C16orf96: variants seen among roughly 807,000 people sequenced by gnomAD.
C16orf96 encodes the protein chromosome 16 open reading frame 96, also known as uncharacterized protein C16orf96.
C16orf96 carries 108 observed loss-of-function variants against 103.6 expected under a neutral mutation model. The observed-to-expected ratio is 1.04, with a 90% CI of 0.89 to 1.22. The LOEUF is 1.22. Ranked by LOEUF, C16orf96 falls within the 50% of genes most tolerant of loss-of-function variation. The pLI is 0.00. For synonymous variants in C16orf96, 566 were observed against 593.5 expected, an observed-to-expected ratio of 0.95 and a Z score of 0.67; for missense variants, 1,586 against 1,464.2, an observed-to-expected ratio of 1.08 and a Z score of -1.36.
intron 14 of C16orf96, 30 bp from the exon 15 acceptor site, chr16:4,599,254 C>G (rs1325155369): frequency 6.5e-7 from 1 of 1,546,036 alleles, no homozygotes; most frequent in African/African-American, 1.4e-5. Context: ...TGGATGCCAC[C>G]CACACCTGTC....
chr16:4,581,220 A>AGCTACCT (rs927483023), intron 7 of C16orf96, among the ~76,000 whole-genome samples: 1 of 143,354 alleles, frequency 7.0e-6, no homozygotes, highest in Non-Finnish European at 1.5e-5. Flanking sequence ...CTGTAATCCC[A>AGCTACCT]GCTACCTGGG....
chr16:4,570,763 G>A (rs1157355469), intron 1 of C16orf96, among the ~76,000 whole-genome samples: 1 of 152,144 alleles, frequency 6.6e-6, no homozygotes, highest in Non-Finnish European at 1.5e-5. Flanking sequence ...ACCGCGCCAA[G>A]CTCGCAACAC....
At chr16:4,567,581 C>G (rs189118417) in intron 1 of C16orf96, among the ~76,000 whole-genome samples, 3 of 151,352 alleles carry the variant, frequency 2.0e-5, no homozygotes, top group Admixed American at 6.6e-5. Context: ...CCGCGCCCGG[C>G]CTTCTTTGAC....
chr16:4,567,425 A>C (rs2059393692), intron 1 of C16orf96, among the ~76,000 whole-genome samples: 1 of 150,300 alleles, frequency 6.7e-6, no homozygotes, highest in African/African-American at 2.4e-5. Context: ...CTGGGACTAC[A>C]CGTGCCCGCC....
Position 4,587,116 on chromosome 16 carries a change from G to A in C16orf96, c.2427+3G>A. 6.4e-7 allele frequency: 1 copy of A among 1,551,242 alleles called. No homozygotes were observed. Among genetic ancestry groups the A allele is most frequent in the Non-Finnish European group, 8.7e-7 (1 of 1,146,728 alleles). On this transcript the variant is annotated splice_donor_region_variant and intron_variant, in intron 8 of 15. Coordinates refer to ENST00000444310, the MANE Select transcript of C16orf96 (RefSeq NM_001145011.2). ...CGATGGAGGAGGAGCTGAGAGAGGT[G>A]AGTGAGCAGAGGTTCCTCTGCCTTC...
At chr16:4,554,454 G>A (rs1014128039), upstream of C16orf96, among the ~76,000 whole-genome samples, 5 of 151,530 alleles carry the variant, frequency 3.3e-5, no homozygotes, top group Non-Finnish European at 7.4e-5. Context: ...AGATTCAAAC[G>A]ATTCTTCTGC....
intron 1 of C16orf96, among the ~76,000 whole-genome samples, chr16:4,567,026 T>G (rs1286913244): frequency 6.6e-6 from 1 of 152,098 alleles, no homozygotes; most frequent in Non-Finnish European, 1.5e-5. Flanking sequence ...TCTTTGTTAT[T>G]TTCTTATTTC....
intron 7 of C16orf96, among the ~76,000 whole-genome samples, chr16:4,581,141 CATATATATATATAT>C (rs58065868): frequency 0.02 from 957 of 46,750 alleles, 24 homozygotes; most frequent in African/African-American, 0.047. Flanking sequence ...TATATGTATA[CATATATATATATAT>C]ATATATATAT....
In C16orf96 at chr16:4,593,373, C is replaced by G; in HGVS notation, c.2867+57C>G. The G allele has an allele frequency of 1.4e-6, 2 of 1,453,718 alleles. No individual in the cohort carries two copies. The highest frequency in any genetic ancestry group is 9.4e-7 in the Non-Finnish European group (1 of 1,065,848). The allele number at this position is 1,453,718 out of a possible 1,614,324, so 90.1% of individuals were successfully genotyped here. The stretch of plus-strand genomic sequence containing the variant: ...GCCCCGCATGGAGGCCACTCTGGAG[C>G]CTGGGAACCCTGTTCCTGCAGAGAC... On this transcript the variant is annotated intron_variant, in intron 12 of 15. Coordinates refer to ENST00000444310, the MANE Select transcript of C16orf96 (RefSeq NM_001145011.2). The surrounding 1 kb of genome is among the most constrained non-coding windows in gnomAD (Gnocchi z 4.2).
chr16:4,586,988 T>C, intron 7 of C16orf96, 51 bp from the exon 8 acceptor site: 1 of 1,505,724 alleles, frequency 6.6e-7, no homozygotes, highest in Non-Finnish European at 9.0e-7. Flanking sequence ...GTTGACATTT[T>C]ATCCTCAAGG....
At chr16:4,542,003 T>G in the C16orf96 span, among the ~76,000 whole-genome samples, 2 of 152,214 alleles carry the variant, frequency 1.3e-5, no homozygotes, top group East Asian at 3.8e-4. Context: ...CACAGGATCA[T>G]CTGACTACAG....
At position 4,594,459 on chromosome 16, in the gene C16orf96, C is replaced by T; in HGVS notation, c.2976C>T (p.Asn992=). The change falls in exon 13 of 16, where the codon AAC becomes AAT. Residue 992 remains asparagine, a synonymous_variant. Coordinates refer to ENST00000444310, the MANE Select transcript of C16orf96 (RefSeq NM_001145011.2). ...CCAGCCTCAAGTGCAAGTCCTGCAA[C>T]CTGTTGACGCTCTATCCCTACGGGG... ...NATSLKCKSC[N]LLTLYPYGDP... 9 of 1,551,560 alleles carry T rather than the reference C, an allele frequency of 5.8e-6. No homozygotes were observed. The highest frequency in any genetic ancestry group is 7.8e-6 in the Non-Finnish European group (9 of 1,147,004).
the C16orf96 span, among the ~76,000 whole-genome samples, chr16:4,542,843 T>G: frequency 6.6e-6 from 1 of 152,174 alleles, no homozygotes; most frequent in Non-Finnish European, 1.5e-5. Flanking sequence ...TTCACACTGT[T>G]TTTGAAATGC....
intron 14 of C16orf96, 112 bp from the exon 15 acceptor site, chr16:4,599,172 C>A: frequency 1.2e-6 from 1 of 845,824 alleles, no homozygotes; most frequent in Admixed American, 2.2e-5. Flanking sequence ...ACCGGGGAGC[C>A]TGGGAAATGG....
chr16:4,544,574 A>G, the C16orf96 span, among the ~76,000 whole-genome samples: 1 of 152,142 alleles, frequency 6.6e-6, no homozygotes, highest in Non-Finnish European at 1.5e-5. Context: ...ACGCTGCTGC[A>G]CTCCAGCCTG....
At chr16:4,590,648 G>T (rs1033548280) in intron 9 of C16orf96, among the ~76,000 whole-genome samples, 13 of 152,030 alleles carry the variant, frequency 8.6e-5, no homozygotes, top group Non-Finnish European at 1.3e-4. Context: ...ACTTTGGGAG[G>T]CTGAGGCGGG....
chr16:4,583,893 C>A lies in C16orf96; in HGVS notation c.2353-3146C>A, dbSNP rs554272971. Among the ~76,000 whole-genome samples the A allele has an allele frequency of 2.9e-5, 4 of 136,060 alleles. No individual in the cohort carries two copies. The South Asian group carries it at 9.5e-4, about 32-fold the overall frequency. The allele number at this position is 136,060 out of a possible 152,430, so 89.3% of individuals were successfully genotyped here. ...TGAGCCAAGATCGCACCACTGCACTCCAGCCTGGGCGAGAGAGCAAGACTG... is the reference window on the plus strand; with the variant it reads ...TGAGCCAAGATCGCACCACTGCACTACAGCCTGGGCGAGAGAGCAAGACTG... On this transcript the variant is annotated intron_variant, in intron 7 of 15. Transcript: ENST00000444310.
At chr16:4,574,925 T>G (rs1596524451) in intron 3 of C16orf96, 47 bp from the exon 4 acceptor site, 1 of 1,535,656 alleles carries the variant, frequency 6.5e-7, no homozygotes, top group Non-Finnish European at 8.8e-7. Context: ...TGGGGGACAC[T>G]GCCCCCTCCA....
At chr16:4,540,225 C>G in the C16orf96 span, among the ~76,000 whole-genome samples, 4 of 152,140 alleles carry the variant, frequency 2.6e-5, no homozygotes, top group Admixed American at 2.0e-4. Context: ...GGAAGGGACG[C>G]CCTAACAGAG....
Sources: allele counts gnomAD v4.1 joint callset (sites outside exome capture counted in the v4.1 genomes callset), GRCh38; gene constraint gnomAD v4.1.1; non-coding constraint Gnocchi (gnomAD v3.1); transcripts MANE v1.5; gene names NCBI Gene and HGNC (gene_info 2026-07-23, HGNC 2026-07-21).